NCALD: variants seen among roughly 807,000 people sequenced by gnomAD.
The protein encoded by NCALD is neurocalcin delta, also known as neurocalcin-delta.
Under a neutral mutation model 18.6 loss-of-function variants are expected in NCALD, and 10 were observed. That is an observed-to-expected ratio of 0.54 (90% CI 0.33 to 0.91). The LOEUF is 0.91. Ranked by LOEUF, NCALD falls within the 40% of genes least tolerant of loss-of-function variation. NCALD has a pLI of 0.03. For missense variants in NCALD, 184 were observed against 247.6 expected (o/e 0.74, Z 1.72); for synonymous variants, 88 against 87.4 (o/e 1.01, Z -0.04).
chr8:101,768,370 C>T (rs1376651707), intron 1 of NCALD, among the ~76,000 whole-genome samples: 3 of 112,620 alleles, frequency 2.7e-5, no homozygotes, highest in African/African-American at 6.7e-5. Context: ...CTGTAATTAA[C>T]TCCTTCAGAG....
At chr8:102,023,316 G>C (rs1428601732) in intron 1 of NCALD, among the ~76,000 whole-genome samples, 2 of 150,402 alleles carry the variant, frequency 1.3e-5, no homozygotes, top group East Asian at 3.9e-4. Context: ...TGCCGTGAAA[G>C]CACTCTTAGA....
At chr8:102,045,121 C>A (rs528064985) in intron 1 of NCALD, among the ~76,000 whole-genome samples, 18 of 152,310 alleles carry the variant, frequency 1.2e-4, no homozygotes, top group African/African-American at 3.8e-4. Flanking sequence ...GCCATGAGAC[C>A]AGGGGCCCAT....
chr8:101,812,063 C>T (rs1451093638), intron 4 of NCALD, among the ~76,000 whole-genome samples: 1 of 152,144 alleles, frequency 6.6e-6, no homozygotes, highest in Non-Finnish European at 1.5e-5. Context: ...GGAACCTGTC[C>T]TGTTAAACCT....
rs189274383 is a variant in NCALD, at chr8:101,785,103, C to T, written c.-20+5759G>A. On this transcript the variant is annotated intron_variant, in intron 1 of 3. Coordinates refer to ENST00000220931, the MANE Select transcript of NCALD (RefSeq NM_032041.3). The stretch of plus-strand genomic sequence containing the variant: ...AGAGCTCTATTGTATACTTGTGTGA[C>T]ACTCAGCAATTTGTTTAAGCTCTCT... 7.2e-5 allele frequency among the ~76,000 whole-genome samples: 11 copies of T among 152,280 alleles called. No individual in the cohort carries two copies. The East Asian group carries it at 2.1e-3, about 29-fold the overall frequency.
chr8:102,040,824 C>T (rs1823026621), intron 1 of NCALD, among the ~76,000 whole-genome samples: 1 of 152,190 alleles, frequency 6.6e-6, no homozygotes, highest in East Asian at 1.9e-4. Context: ...CAGAGCCAGA[C>T]TCATAAAATG....
chr8:101,877,117 A>G (rs1011333767), intron 4 of NCALD, among the ~76,000 whole-genome samples: 10 of 152,266 alleles, frequency 6.6e-5, no homozygotes, highest in African/African-American at 2.2e-4. Context: ...TTGTATATGT[A>G]GCAAGTGCTA....
intron 1 of NCALD, among the ~76,000 whole-genome samples, chr8:102,046,019 GATAAAAATT>G (rs771324229): frequency 1.3e-5 from 2 of 152,188 alleles, no homozygotes; most frequent in Non-Finnish European, 2.9e-5. Context: ...TTTAGCATGT[GATAAAAATT>G]ATTCCATGTA....
intron 1 of NCALD, among the ~76,000 whole-genome samples, chr8:102,116,002 T>C (rs1364034053): frequency 6.6e-6 from 1 of 152,144 alleles, no homozygotes; most frequent in Non-Finnish European, 1.5e-5. Flanking sequence ...AGTGTTTGTT[T>C]ATTTTGTTGT....
intron 1 of NCALD, among the ~76,000 whole-genome samples, chr8:102,051,568 C>A (rs752291939): frequency 6.6e-5 from 10 of 152,126 alleles, no homozygotes; most frequent in African/African-American, 2.4e-4. Context: ...TCTTTTCTTT[C>A]GTCAACTGGT....
chr8:101,711,146 C>A (rs758189241), intron 2 of NCALD, among the ~76,000 whole-genome samples: 71 of 152,166 alleles, frequency 4.7e-4, no homozygotes, highest in African/African-American at 1.6e-3. Flanking sequence ...GAACCCCCAG[C>A]AAACTCCAGC....
chr8:101,721,789 G>A (rs552113976), intron 1 of NCALD, among the ~76,000 whole-genome samples: 114 of 152,012 alleles, frequency 7.5e-4, no homozygotes, highest in Non-Finnish European at 8.4e-4. Flanking sequence ...GGGAGTATGG[G>A]GCACTTCACC....
At chr8:101,748,206 A>G (rs1223472125) in intron 1 of NCALD, among the ~76,000 whole-genome samples, 1 of 152,128 alleles carries the variant, frequency 6.6e-6, no homozygotes, top group African/African-American at 2.4e-5. Context: ...TTGTGTCCCC[A>G]TGGCTTATTA....
At chr8:101,883,374 T>C (rs560547897) in intron 4 of NCALD, among the ~76,000 whole-genome samples, 6 of 152,126 alleles carry the variant, frequency 3.9e-5, no homozygotes, top group South Asian at 2.1e-4. Flanking sequence ...ACCAAAGAAA[T>C]AGACTCTGAA....
intron 4 of NCALD, among the ~76,000 whole-genome samples, chr8:101,863,604 G>A (rs1313335980): frequency 6.6e-6 from 1 of 152,124 alleles, no homozygotes; most frequent in Non-Finnish European, 1.5e-5. Flanking sequence ...CTGTGGGAGG[G>A]CAGGTCTCCA....
intron 1 of NCALD, among the ~76,000 whole-genome samples, chr8:102,060,582 G>T (rs1193838041): frequency 6.6e-6 from 1 of 152,112 alleles, no homozygotes; most frequent in Non-Finnish European, 1.5e-5. Flanking sequence ...ATTGACAATG[G>T]CAACACCTCT....
intron 1 of NCALD, among the ~76,000 whole-genome samples, chr8:101,770,468 G>A (rs1350475727): frequency 6.6e-6 from 1 of 152,138 alleles, no homozygotes; most frequent in Admixed American, 6.5e-5. Context: ...CTCTCTGATG[G>A]TAATGCTTTA....
At chr8:102,119,755 C>A (rs991759937) in intron 1 of NCALD, among the ~76,000 whole-genome samples, 3 of 152,190 alleles carry the variant, frequency 2.0e-5, no homozygotes, top group African/African-American at 7.2e-5. Flanking sequence ...TCAATCCCTT[C>A]CCTAATTATG....
chr8:101,814,832 T>C (rs1813434653), intron 4 of NCALD, among the ~76,000 whole-genome samples: 1 of 152,034 alleles, frequency 6.6e-6, no homozygotes, highest in Non-Finnish European at 1.5e-5. Context: ...AAAAACACAA[T>C]ACCATTTACA....
chr8:101,989,122 C>A (rs1334108796), intron 2 of NCALD, among the ~76,000 whole-genome samples: 1 of 152,068 alleles, frequency 6.6e-6, no homozygotes, highest in Non-Finnish European at 1.5e-5. Flanking sequence ...TGGGACTGAA[C>A]CTCGTGGGAA....
Sources: allele counts gnomAD v4.1 joint callset (sites outside exome capture counted in the v4.1 genomes callset), GRCh38; gene constraint gnomAD v4.1.1; transcripts MANE v1.5; gene names NCBI Gene and HGNC (gene_info 2026-07-23, HGNC 2026-07-21).